Variants in CDC42BPA observed in about 807,000 individuals in gnomAD.
CDC42BPA encodes CDC42 binding protein kinase alpha.
Under a neutral mutation model 223.5 loss-of-function variants are expected in CDC42BPA, and 80 were observed. That is an observed-to-expected ratio of 0.36 (90% CI 0.30 to 0.43). CDC42BPA has a LOEUF of 0.43. Among genes scored for constraint, CDC42BPA ranks in the 20% least tolerant of loss-of-function variants. The pLI, the probability that CDC42BPA is intolerant of heterozygous loss-of-function variation, is 1.00. For synonymous variants in CDC42BPA, 694 were observed against 718.6 expected, an observed-to-expected ratio of 0.97 and a Z score of 0.55; for missense variants, 1,743 against 2,099.9, an observed-to-expected ratio of 0.83 and a Z score of 3.32.
chr1:227,300,515 T>C (rs1200361575), intron 1 of CDC42BPA, among the ~76,000 whole-genome samples: 3 of 152,094 alleles, frequency 2.0e-5, no homozygotes, highest in African/African-American at 7.2e-5. Context: ...AAATAATGTC[T>C]TTTGCAACAA....
chr1:227,133,416 G>A (rs1657764754), intron 10 of CDC42BPA, among the ~76,000 whole-genome samples: 1 of 151,924 alleles, frequency 6.6e-6, no homozygotes, highest in East Asian at 2.0e-4. Context: ...GCCCCTACTG[G>A]GAAGTGAGGA....
At chr1:227,143,330 A>C (rs150702598) in intron 8 of CDC42BPA, among the ~76,000 whole-genome samples, 1,658 of 152,318 alleles carry the variant, frequency 0.011, 18 homozygotes, top group Non-Finnish European at 0.018. Context: ...TAAACCCCAA[A>C]TCAATACTTG....
At chr1:227,105,733 A>G (rs1007967252) in intron 14 of CDC42BPA, among the ~76,000 whole-genome samples, 1 of 152,162 alleles carries the variant, frequency 6.6e-6, no homozygotes, top group African/African-American at 2.4e-5. Flanking sequence ...TCTTTTACTT[A>G]GTACGTTTTC....
chr1:227,028,651 T>A lies in CDC42BPA; in HGVS notation c.4432+6A>T. On this transcript the variant is annotated splice_donor_region_variant and intron_variant, in intron 30 of 36. Transcript: ENST00000366766. ...GATAAGACAGCCGTAAGAAAGAGAA[T>A]CTTACAACAAGAGGAAGGATTTGCT... 3 of 1,526,014 alleles carry A rather than the reference T, an allele frequency of 2.0e-6. No individual in the cohort carries two copies. The highest frequency in any genetic ancestry group is 1.4e-5 in the African/African-American group (1 of 72,574). 94.5% of individuals were successfully genotyped at this position (1,526,014 alleles called of 1,614,324 possible). A position where few individuals can be genotyped will look rare whatever the true frequency, so the allele number is the denominator to read the frequency against.
chr1:227,189,130 C>G (rs1467014049), intron 5 of CDC42BPA, among the ~76,000 whole-genome samples: 3 of 152,118 alleles, frequency 2.0e-5, no homozygotes, highest in African/African-American at 7.2e-5. Context: ...ACCCTACTCT[C>G]TTTAGGCAAC....
intron 6 of CDC42BPA, among the ~76,000 whole-genome samples, chr1:227,152,687 G>A (rs565206017): frequency 1.3e-5 from 2 of 152,022 alleles, no homozygotes; most frequent in African/African-American, 2.4e-5. Context: ...TAAGATACTA[G>A]AAATAAGTAT....
chr1:227,175,816 CA>C (rs550146037), intron 5 of CDC42BPA, among the ~76,000 whole-genome samples: 20 of 152,228 alleles, frequency 1.3e-4, no homozygotes, highest in Admixed American at 1.3e-3. Flanking sequence ...GATCTTGAGT[CA>C]GCAATTTCTC....
chr1:227,067,188 G>A (rs564749867), intron 21 of CDC42BPA, among the ~76,000 whole-genome samples: 1 of 152,258 alleles, frequency 6.6e-6, no homozygotes, highest in South Asian at 2.1e-4. Flanking sequence ...GTAACACTGG[G>A]AAATGGCTGC....
chr1:227,128,484 G>C (rs1436819189), intron 11 of CDC42BPA, among the ~76,000 whole-genome samples: 1 of 152,100 alleles, frequency 6.6e-6, no homozygotes, highest in Non-Finnish European at 1.5e-5. Flanking sequence ...CCAGGCCAAA[G>C]CAAAGAATTT....
chr1:227,092,113 C>T, intron 15 of CDC42BPA, 122 bp from the exon 16 acceptor site: 1 of 588,360 alleles, frequency 1.7e-6, no homozygotes. Context: ...AAATGTTGTC[C>T]CCATAGAATA....
chr1:227,086,511 A>G (rs1471002727), intron 16 of CDC42BPA, among the ~76,000 whole-genome samples: 1 of 152,042 alleles, frequency 6.6e-6, no homozygotes, highest in Non-Finnish European at 1.5e-5. Flanking sequence ...GATTACAGCC[A>G]TTCTCGAGGG....
Position 227,035,603 on chromosome 1 carries a change from A to G in CDC42BPA, c.3204T>C (p.Cys1068=). The change falls in exon 25 of 37, where the codon TGT becomes TGC. Residue 1068 remains cysteine, a synonymous_variant. Coordinates refer to ENST00000366766, the MANE Select transcript of CDC42BPA (RefSeq NM_001394014.1). ...LIRQGCSCEV[C]GFSCHITCVN... Reference sequence around the variant, plus strand: ...CACAAGTTATATGGCATGAGAATCCACACACTTTTAGAGGGAAAAAAGAAA... The same window carrying G: ...CACAAGTTATATGGCATGAGAATCCGCACACTTTTAGAGGGAAAAAAGAAA... 6.3e-7 allele frequency: 1 copy of G among 1,584,688 alleles called. No individual in the cohort carries two copies. Among genetic ancestry groups the G allele is most frequent in the Non-Finnish European group, 8.5e-7 (1 of 1,173,144 alleles).
chr1:227,224,971 A>G (rs567523935), intron 2 of CDC42BPA, among the ~76,000 whole-genome samples: 32 of 152,226 alleles, frequency 2.1e-4, no homozygotes, highest in Non-Finnish European at 4.3e-4. Flanking sequence ...GCAATGAGCT[A>G]ACAGAGGGAA....
intron 5 of CDC42BPA, among the ~76,000 whole-genome samples, chr1:227,173,264 A>G (rs537309936): frequency 1.2e-4 from 18 of 152,306 alleles, no homozygotes; most frequent in Non-Finnish European, 2.4e-4. Context: ...GAAGATGTCC[A>G]AATATCATAG....
At chr1:227,096,690 T>C (rs1294806257) in intron 15 of CDC42BPA, among the ~76,000 whole-genome samples, 1 of 152,200 alleles carries the variant, frequency 6.6e-6, no homozygotes, top group Non-Finnish European at 1.5e-5. Flanking sequence ...CTGGCTTCTT[T>C]TCAGCTGTCT....
chr1:227,039,164 A>T (rs376033499), intron 24 of CDC42BPA, among the ~76,000 whole-genome samples: 44 of 152,198 alleles, frequency 2.9e-4, no homozygotes, highest in African/African-American at 9.2e-4. Flanking sequence ...TGAATTTCAA[A>T]AAGTCTTTAA....
At chr1:227,219,575 A>C (rs1675470516) in intron 2 of CDC42BPA, among the ~76,000 whole-genome samples, 1 of 152,208 alleles carries the variant, frequency 6.6e-6, no homozygotes, top group South Asian at 2.1e-4. Context: ...AGAGTTACAT[A>C]AATGATGCGT....
chr1:227,087,702 C>G (rs1682264540), intron 16 of CDC42BPA, among the ~76,000 whole-genome samples: 1 of 152,188 alleles, frequency 6.6e-6, no homozygotes, highest in African/African-American at 2.4e-5. Flanking sequence ...CTTAATTTAT[C>G]TTAGCAGTAT....
chr1:227,029,840 G>C (rs542233139), intron 29 of CDC42BPA, among the ~76,000 whole-genome samples: 2 of 152,088 alleles, frequency 1.3e-5, no homozygotes, highest in South Asian at 2.1e-4. Context: ...TCCATCTTTA[G>C]AAATGCAATC....
Sources: gnomAD v4.1 joint callset for allele counts (sites outside exome capture counted in the v4.1 genomes callset) on GRCh38, gnomAD v4.1.1 for gene constraint, MANE v1.5 for transcripts, NCBI Gene and HGNC (gene_info 2026-07-23, HGNC 2026-07-21) for gene names.